Variants in BLOC1S5 observed in about 807,000 individuals in gnomAD.
BLOC1S5 encodes biogenesis of lysosomal organelles complex 1 subunit 5.
In BLOC1S5, 27 loss-of-function variants were observed where a neutral mutation model predicts 24.3. The ratio of observed to expected loss-of-function variants is 1.11; its 90% CI spans 0.82 to 1.53. The LOEUF (loss-of-function observed/expected upper bound fraction) is 1.53. BLOC1S5 is among the 40% of genes most tolerant of loss of function. The pLI is 0.00. For synonymous variants in BLOC1S5, 84 were observed against 74.5 expected, an observed-to-expected ratio of 1.13 and a Z score of -0.66; for missense variants, 239 against 229.4, an observed-to-expected ratio of 1.04 and a Z score of -0.27.
intron 3 of BLOC1S5, 28 bp downstream of exon 3, chr6:8,041,111 A>T (rs1251035146): frequency 1.9e-6 from 3 of 1,558,064 alleles, no homozygotes; most frequent in Non-Finnish European, 2.6e-6. Flanking sequence ...TGAAATGAAA[A>T]GCAATTAAAA....
intron 2 of BLOC1S5, among the ~76,000 whole-genome samples, chr6:8,059,735 C>T (rs938597265): frequency 1.3e-5 from 2 of 152,208 alleles, no homozygotes; most frequent in Admixed American, 6.5e-5. Context: ...CTACACTAAA[C>T]CCTCAGGAAG....
chr6:8,031,946 C>G (rs1763313393), intron 3 of BLOC1S5, among the ~76,000 whole-genome samples: 1 of 152,146 alleles, frequency 6.6e-6, no homozygotes, highest in African/African-American at 2.4e-5. Flanking sequence ...ATCCTCATCT[C>G]TCACCTTATG....
rs1763002990 is a variant in BLOC1S5 at position 8,023,682 on chromosome 6, A to C, written c.384+2685T>G. Among the ~76,000 whole-genome samples, 3 of 152,216 alleles carry C rather than the reference A, an allele frequency of 2.0e-5. No homozygotes were observed. In the South Asian group the frequency reaches 6.2e-4, roughly 32 times the overall value. ...TTCTGAGAACCTTTCAAATATACAA[A>C]ATGTATGCAATAGTATAACCAAGGG... On this transcript the variant is annotated intron_variant, in intron 4 of 4. Coordinates refer to ENST00000397457, the MANE Select transcript of BLOC1S5 (RefSeq NM_201280.3).
intron 2 of BLOC1S5, among the ~76,000 whole-genome samples, chr6:8,048,395 G>T (rs960218264): frequency 6.6e-6 from 1 of 152,076 alleles, no homozygotes; most frequent in Non-Finnish European, 1.5e-5. Context: ...GTTGGTCATT[G>T]TTTCTAACTT....
At chr6:8,025,650 T>C (rs1422735097) in intron 4 of BLOC1S5, among the ~76,000 whole-genome samples, 1 of 152,234 alleles carries the variant, frequency 6.6e-6, no homozygotes, top group Non-Finnish European at 1.5e-5. Flanking sequence ...TGAACTATTA[T>C]TGTGGATTAA....
intron 3 of BLOC1S5, among the ~76,000 whole-genome samples, chr6:8,034,459 C>T (rs1338786907): frequency 6.6e-6 from 1 of 152,130 alleles, no homozygotes; most frequent in Admixed American, 6.5e-5. Flanking sequence ...CAGGGAACAT[C>T]ACATGCTGGG....
chr6:8,021,419 C>T (rs142536299), intron 4 of BLOC1S5, among the ~76,000 whole-genome samples: 6,058 of 152,048 alleles, frequency 0.04, 368 homozygotes, highest in African/African-American at 0.13. Flanking sequence ...GCCAACATGG[C>T]GAAACCCTGT....
intron 2 of BLOC1S5, among the ~76,000 whole-genome samples, chr6:8,053,327 G>A (rs918106752): frequency 3.9e-5 from 6 of 152,172 alleles, no homozygotes; most frequent in Admixed American, 3.9e-4. Context: ...AGAAGGAAGA[G>A]TCAATTGATG....
At chr6:8,031,516 A>G (rs547376232) in intron 3 of BLOC1S5, among the ~76,000 whole-genome samples, 1 of 152,328 alleles carries the variant, frequency 6.6e-6, no homozygotes, top group African/African-American at 2.4e-5. Context: ...GATGGGTAGA[A>G]TAAATATTGT....
At chr6:8,028,668 T>A (rs1287200658) in intron 3 of BLOC1S5, among the ~76,000 whole-genome samples, 1 of 151,904 alleles carries the variant, frequency 6.6e-6, no homozygotes. Context: ...TCATCAGGAT[T>A]GTTATGTTTA....
At chr6:8,033,286 A>G (rs1288041822) in intron 3 of BLOC1S5, among the ~76,000 whole-genome samples, 1 of 152,202 alleles carries the variant, frequency 6.6e-6, no homozygotes, top group East Asian at 1.9e-4. Flanking sequence ...AGATATACAG[A>G]CCAATGGAAC....
At position 8,013,677 on chromosome 6, in the gene BLOC1S5, T is replaced by G. The variant is rs1463668733; in HGVS notation, c.*1972A>C. 1.3e-5 allele frequency: 2 copies of G among 152,252 alleles called. No homozygotes were observed. The highest frequency in any genetic ancestry group is 3.8e-4 in the East Asian group (2 of 5,202). The allele number at this position is 152,252 out of a possible 1,614,324, so 9.4% of individuals were successfully genotyped here. On this transcript the variant is annotated 3_prime_UTR_variant, in exon 5 of 5. Coordinates refer to ENST00000397457, the MANE Select transcript of BLOC1S5 (RefSeq NM_201280.3). Reference sequence around the variant, plus strand: ...ATATATTCCCTTCACACACACAATCTTAATTTCTTGGTTACAGCATTCGTT... The same window carrying G: ...ATATATTCCCTTCACACACACAATCGTAATTTCTTGGTTACAGCATTCGTT...
intron 2 of BLOC1S5, among the ~76,000 whole-genome samples, chr6:8,056,580 C>T (rs1392832260): frequency 6.6e-6 from 1 of 152,174 alleles, no homozygotes; most frequent in Non-Finnish European, 1.5e-5. Flanking sequence ...ATGCTTATGG[C>T]ACAGACTCAT....
intron 3 of BLOC1S5, among the ~76,000 whole-genome samples, chr6:8,040,625 G>A (rs1581415660): frequency 6.6e-6 from 1 of 152,294 alleles, no homozygotes; most frequent in Middle Eastern, 3.4e-3. Context: ...TTGGGAGGCC[G>A]AGGCAGGTGG....
chr6:8,052,077 C>T (rs1191601197), intron 2 of BLOC1S5, among the ~76,000 whole-genome samples: 3 of 151,152 alleles, frequency 2.0e-5, no homozygotes, highest in African/African-American at 7.3e-5. Context: ...CGCCATTCTC[C>T]TGCCTCAGCC....
intron 4 of BLOC1S5, among the ~76,000 whole-genome samples, chr6:8,018,701 A>G (rs1451166942): frequency 6.6e-6 from 1 of 152,258 alleles, no homozygotes; most frequent in African/African-American, 2.4e-5. Flanking sequence ...GACTACAGGT[A>G]GAACATGTCA....
intron 3 of BLOC1S5, chr6:8,027,370 C>T (rs1346333184): frequency 2.2e-6 from 1 of 456,654 alleles, no homozygotes; most frequent in East Asian, 6.9e-5. Context: ...CTTGTTGGTC[C>T]TCCTATCTCT....
Position 8,033,147 on chromosome 6 carries a change from C to CA in BLOC1S5, c.326-6723dup, listed in dbSNP as rs200608665. 3.4e-3 allele frequency among the ~76,000 whole-genome samples: 524 copies of CA among 152,116 alleles called. 3 individuals carry two copies. Among genetic ancestry groups the CA allele is most frequent in the East Asian group, 0.033 (170 of 5,182 alleles). Reference sequence around the variant, plus strand: ...AACTACTTTAAACTTCATATGGAACCAAAAAAGAGCCTGCATTGCCAAGAC... The same window carrying CA: ...AACTACTTTAAACTTCATATGGAACCAAAAAAAGAGCCTGCATTGCCAAGAC... On this transcript the variant is annotated intron_variant, in intron 3 of 4. Coordinates refer to ENST00000397457, the MANE Select transcript of BLOC1S5 (RefSeq NM_201280.3).
chr6:8,050,949 G>T (rs1261525155), intron 2 of BLOC1S5, among the ~76,000 whole-genome samples: 2 of 151,910 alleles, frequency 1.3e-5, no homozygotes, highest in Non-Finnish European at 2.9e-5. Context: ...TATTCCATTG[G>T]GAGGCCGAGG....
Sources: allele counts gnomAD v4.1 joint callset (sites outside exome capture counted in the v4.1 genomes callset), GRCh38; gene constraint gnomAD v4.1.1; transcripts MANE v1.5; gene names NCBI Gene and HGNC (gene_info 2026-07-23, HGNC 2026-07-21).